The following GAL3ST2 variants were observed in gnomAD, a reference collection of about 807,000 sequenced individuals.
GAL3ST2 encodes the protein beta-galactose-3-O-sulfotransferase 2.
A neutral mutation model predicts 12.9 loss-of-function variants in GAL3ST2; 16 were observed. The observed-to-expected ratio is 1.24, with a 90% CI of 0.84 to 1.88. The LOEUF (loss-of-function observed/expected upper bound fraction) is 1.88. GAL3ST2 is among the 40% of genes most tolerant of loss of function. GAL3ST2 has a pLI of 0.00. For synonymous variants in GAL3ST2, 302 were observed against 273.9 expected (o/e 1.10, Z -1.01); for missense variants, 639 against 571.8 (o/e 1.12, Z -1.20).
chr2:241,796,234 A>C (rs1390509609), intron 1 of GAL3ST2, among the ~76,000 whole-genome samples: 7 of 152,052 alleles, frequency 4.6e-5, no homozygotes, highest in Admixed American at 3.3e-4. Flanking sequence ...TGTAGCTCTG[A>C]GCTCTGACTA....
intron 1 of GAL3ST2, among the ~76,000 whole-genome samples, chr2:241,787,358 T>C (rs929390271): frequency 1.3e-5 from 2 of 152,112 alleles, no homozygotes; most frequent in African/African-American, 4.8e-5. Context: ...CACATTTTGG[T>C]AACCACAGAG....
intron 1 of GAL3ST2, among the ~76,000 whole-genome samples, chr2:241,779,132 C>G (rs1699531608): frequency 6.8e-6 from 1 of 147,968 alleles, no homozygotes; most frequent in Non-Finnish European, 1.5e-5. Context: ...AAATGAGTCT[C>G]TGGTCCCAGG....
chr2:241,802,127 A>G lies in GAL3ST2; in HGVS notation c.375+91A>G. On this transcript the variant is annotated intron_variant, in intron 3 of 3. Coordinates refer to ENST00000192314, the MANE Select transcript of GAL3ST2 (RefSeq NM_022134.3). This position sits in a 1 kb window ranked among gnomAD's most constrained non-coding sequence, Gnocchi z 4.8. ...TGTAGCCTGGAGGCTGGAGAGAAGG[A>G]GTGTAAGGCTTGGGGGCGGGGCGTG... is the stretch of plus-strand genomic sequence containing the variant. The G allele has an allele frequency of 3.5e-6, 4 of 1,134,076 alleles. No homozygotes were observed. The highest frequency in any genetic ancestry group is 3.6e-5 in the East Asian group (1 of 27,934). 70.3% of individuals were successfully genotyped at this position (1,134,076 alleles called of 1,614,324 possible). A position where few individuals can be genotyped will look rare whatever the true frequency, so the allele number is the denominator to read the frequency against.
At chr2:241,794,717 G>A (rs1261260209) in intron 1 of GAL3ST2, among the ~76,000 whole-genome samples, 3 of 152,200 alleles carry the variant, frequency 2.0e-5, no homozygotes, top group Middle Eastern at 3.2e-3. Flanking sequence ...GGGCCTGGCC[G>A]CAGTCCCCAC....
chr2:241,797,929 C>T (rs1178511225), intron 1 of GAL3ST2, among the ~76,000 whole-genome samples: 3 of 152,184 alleles, frequency 2.0e-5, no homozygotes, highest in East Asian at 1.9e-4. Flanking sequence ...CTGAGCTTGC[C>T]GAGTGCAGGT....
chr2:241,798,628 T>G (rs1699803769), intron 1 of GAL3ST2, among the ~76,000 whole-genome samples: 1 of 152,074 alleles, frequency 6.6e-6, no homozygotes, highest in African/African-American at 2.4e-5. Flanking sequence ...GGCCTGTGGA[T>G]TTTGGGGGCG....
intron 1 of GAL3ST2, among the ~76,000 whole-genome samples, chr2:241,792,222 G>A (rs552861581): frequency 6.6e-6 from 1 of 151,662 alleles, no homozygotes; most frequent in East Asian, 1.9e-4. Flanking sequence ...TAAAGATGGG[G>A]TTTCACTATG....
intron 1 of GAL3ST2, among the ~76,000 whole-genome samples, chr2:241,783,154 A>C (rs949448295): frequency 6.6e-6 from 1 of 151,802 alleles, no homozygotes; most frequent in African/African-American, 2.4e-5. Flanking sequence ...AAAAAAACCC[A>C]CACAAAAAAA....
intron 1 of GAL3ST2, among the ~76,000 whole-genome samples, chr2:241,794,996 C>A (rs548590176): frequency 6.6e-6 from 1 of 152,290 alleles, no homozygotes; most frequent in African/African-American, 2.4e-5. Flanking sequence ...GCACAATTCG[C>A]TGGTTTCTAG....
In GAL3ST2 at chr2:241,800,336, G is replaced by C. The variant is rs1209874697; in HGVS notation, c.119+1182G>C. Among the ~76,000 whole-genome samples the C allele has an allele frequency of 6.6e-6, 1 of 151,150 alleles. No homozygotes were observed. The highest frequency in any genetic ancestry group is 2.4e-5 in the African/African-American group (1 of 41,106). ...GACCCAGGCTGGGAGCACAGCCGCC[G>C]ACCCAGGCTGGGAGCGGGCACTTCG... On this transcript the variant is annotated intron_variant, in intron 2 of 3. Transcript: ENST00000192314. The surrounding 1 kb of genome is among the most constrained non-coding windows in gnomAD (Gnocchi z 5.2).
intron 1 of GAL3ST2, 76 bp from the exon 2 acceptor site, chr2:241,798,989 C>T (rs1263040951): frequency 2.5e-6 from 3 of 1,207,166 alleles, no homozygotes; most frequent in South Asian, 1.2e-5. Flanking sequence ...AAGGCCTGGA[C>T]TTGGCTGCAG....
At position 241,793,125 on chromosome 2, in the gene GAL3ST2, C is replaced by T. The variant is rs1242179792; in HGVS notation, c.30-5940C>T. Reference sequence around the variant, plus strand: ...CCTGACCACCTTGGGCACACGTCATCAGGACCTCCTGAGGCTGGGTCATGG... The same window carrying T: ...CCTGACCACCTTGGGCACACGTCATTAGGACCTCCTGAGGCTGGGTCATGG... On this transcript the variant is annotated intron_variant, in intron 1 of 3. Transcript: ENST00000192314. This position sits in a 1 kb window ranked among gnomAD's most constrained non-coding sequence, Gnocchi z 4.7. 1.3e-5 allele frequency among the ~76,000 whole-genome samples: 2 copies of T among 152,230 alleles called. No individual in the cohort carries two copies. Among genetic ancestry groups the T allele is most frequent in the African/African-American group, 2.4e-5 (1 of 41,448 alleles).
intron 1 of GAL3ST2, among the ~76,000 whole-genome samples, chr2:241,788,839 C>G (rs913211573): frequency 6.6e-6 from 1 of 152,158 alleles, no homozygotes. Context: ...AGAAGTGACT[C>G]AGTGGTGACA....
chr2:241,786,420 A>C (rs1199839170), intron 1 of GAL3ST2, among the ~76,000 whole-genome samples: 1 of 152,212 alleles, frequency 6.6e-6, no homozygotes, highest in African/African-American at 2.4e-5. Context: ...TAGCCAAGAC[A>C]GAACCCCAAT....
rs545207690 is a variant in GAL3ST2, at chr2:241,795,426, G to A, written c.30-3639G>A. 4.3e-4 allele frequency among the ~76,000 whole-genome samples: 65 copies of A among 152,320 alleles called. No homozygotes were observed. Among genetic ancestry groups the A allele is most frequent in the Middle Eastern group, 3.4e-3 (1 of 294 alleles). ...AGCATCTCAAACAGATGGCCAGTGC[G>A]TCCCATAAAAGTGCAGAGGGGCTAT... is the stretch of plus-strand genomic sequence containing the variant. On this transcript the variant is annotated intron_variant, in intron 1 of 3. Transcript: ENST00000192314. This position sits in a 1 kb window ranked among gnomAD's most constrained non-coding sequence, Gnocchi z 4.5.
chr2:241,794,292 C>A (rs141000537), intron 1 of GAL3ST2, among the ~76,000 whole-genome samples: 2 of 152,148 alleles, frequency 1.3e-5, no homozygotes, highest in Non-Finnish European at 2.9e-5. Context: ...TGGGTTCTTA[C>A]TGAGAAGTTG....
chr2:241,803,891 G>A lies in GAL3ST2; in HGVS notation c.922G>A (p.Glu308Lys). Residue 308 changes from glutamate (E) to lysine (K), a missense_variant, in exon 4 of 4, where the codon GAG becomes AAG. By Grantham distance (56) the Glu-to-Lys change is moderately conservative. Coordinates refer to ENST00000192314, the MANE Select transcript of GAL3ST2 (RefSeq NM_022134.3). ...LGPRRLRGEV[E>K]RLRARRRELA... ...GCCGCGGCGGCTGCGCGGGGAGGTG[G>A]AGCGGCTGCGCGCCCGGAGGCGCGA... 2 of 1,417,410 alleles carry A rather than the reference G, an allele frequency of 1.4e-6. No individual in the cohort carries two copies. The highest frequency in any genetic ancestry group is 3.2e-5 in the South Asian group (2 of 62,988). The allele number at this position is 1,417,410 out of a possible 1,614,324, so 87.8% of individuals were successfully genotyped here.
rs1438780128 is a variant in GAL3ST2, at chr2:241,793,462, G to T, written c.30-5603G>T. Among the ~76,000 whole-genome samples, 1 of 135,426 alleles carries T rather than the reference G, an allele frequency of 7.4e-6. No homozygotes were observed. Among genetic ancestry groups the T allele is most frequent in the Non-Finnish European group, 1.5e-5 (1 of 67,634 alleles). 88.8% of individuals were successfully genotyped at this position (135,426 alleles called of 152,430 possible). ...GTATGTATGTACTGTGTATGCGTGT[G>T]TATGTGTATGCATGTGTATTATATG... On this transcript the variant is annotated intron_variant, in intron 1 of 3. Transcript: ENST00000192314. This position sits in a 1 kb window ranked among gnomAD's most constrained non-coding sequence, Gnocchi z 4.7.
intron 1 of GAL3ST2, among the ~76,000 whole-genome samples, chr2:241,789,433 T>G (rs1010466550): frequency 6.6e-6 from 1 of 152,260 alleles, no homozygotes; most frequent in African/African-American, 2.4e-5. Context: ...TACCTTACTA[T>G]GTAAATTTTG....
Sources: gnomAD v4.1 joint callset for allele counts (sites outside exome capture counted in the v4.1 genomes callset) on GRCh38, gnomAD v4.1.1 for gene constraint, Gnocchi (gnomAD v3.1) non-coding constraint, MANE v1.5 for transcripts, NCBI Gene and HGNC (gene_info 2026-07-23, HGNC 2026-07-21) for gene names.